The following WDR27 variants were observed in gnomAD, a reference collection of about 807,000 sequenced individuals.
WDR27 encodes the protein WD repeat-containing protein 27.
WDR27 carries 100 observed loss-of-function variants against 114.4 expected under a neutral mutation model. That is an observed-to-expected ratio of 0.87 (90% CI 0.74 to 1.03). WDR27 has a LOEUF of 1.03. Ranked by LOEUF, WDR27 falls within the 50% of genes least tolerant of loss-of-function variation. The probability of loss-of-function intolerance (pLI) is 0.00; values close to 1 mark genes in which losing one functional copy is unlikely to be tolerated. For missense variants in WDR27, 1,129 were observed against 1,092.9 expected (o/e 1.03, Z -0.47); for synonymous variants, 449 against 423.1 (o/e 1.06, Z -0.75).
chr6:169,670,811 A>G, intron 3 of WDR27, 118 bp from the exon 4 acceptor site: 2 of 1,335,874 alleles, frequency 1.5e-6, no homozygotes, highest in Non-Finnish European at 2.1e-6. Context: ...AATGACAATG[A>G]GCTTTGATGT....
intron 17 of WDR27, among the ~76,000 whole-genome samples, chr6:169,643,068 G>A (rs1819633955): frequency 6.6e-6 from 1 of 152,164 alleles, no homozygotes; most frequent in Non-Finnish European, 1.5e-5. Context: ...TTGGATTACG[G>A]ATGCTCAACC....
intron 14 of WDR27, among the ~76,000 whole-genome samples, chr6:169,649,847 A>T (rs1239874166): frequency 2.4e-5 from 3 of 123,546 alleles, no homozygotes; most frequent in African/African-American, 9.6e-5. Context: ...CTCTCCATCC[A>T]TCCCCCCCAT....
In WDR27 at chr6:169,629,735, T is replaced by C. The variant is rs369284101; in HGVS notation, c.2223+3212A>G. On this transcript the variant is annotated intron_variant, in intron 21 of 25. Transcript: ENST00000448612. ...TGAGGTGAGGAGTTTGAGACCAGCC[T>C]GGCCAACATGGTGAAATCCCCTCTC... is the stretch of plus-strand genomic sequence containing the variant. Among the ~76,000 whole-genome samples, 20 of 152,126 alleles carry C rather than the reference T, an allele frequency of 1.3e-4. No homozygotes were observed. In the South Asian group the frequency reaches 2.5e-3, roughly 19 times the overall value.
chr6:169,643,685 G>A lies in WDR27; in HGVS notation c.1747+12C>T. The A allele has an allele frequency of 1.9e-6, 3 of 1,610,946 alleles. No homozygotes were observed. Among genetic ancestry groups the A allele is most frequent in the African/African-American group, 2.7e-5 (2 of 74,970 alleles). ...TTAAGTTCATACTGACTGAAATTAA[G>A]ACATGTTTTACCTGAAAACACAGCA... On this transcript the variant is annotated intron_variant, in intron 17 of 25. Transcript: ENST00000448612.
At chr6:169,637,217 G>A (rs932226415) in intron 18 of WDR27, among the ~76,000 whole-genome samples, 17 of 151,988 alleles carry the variant, frequency 1.1e-4, no homozygotes, top group Admixed American at 9.8e-4. Context: ...ATGATCTCCC[G>A]TAAGTTCATC....
the WDR27 span, among the ~76,000 whole-genome samples, chr6:169,441,332 G>A: frequency 2.0e-5 from 3 of 152,092 alleles, no homozygotes; most frequent in Non-Finnish European, 4.4e-5. Context: ...CAGTTGATCA[G>A]TAACATTTTC....
intron 21 of WDR27, among the ~76,000 whole-genome samples, chr6:169,631,271 C>A (rs75179151): frequency 6.6e-6 from 1 of 152,056 alleles, no homozygotes; most frequent in Non-Finnish European, 1.5e-5. Flanking sequence ...CTGGTTTATA[C>A]GCAGGAAGAG....
intron 21 of WDR27, among the ~76,000 whole-genome samples, chr6:169,614,522 T>C (rs1433253919): frequency 2.0e-5 from 3 of 151,980 alleles, no homozygotes; most frequent in East Asian, 3.9e-4. Context: ...ATCCCGTCTC[T>C]ATAAAAATAC....
chr6:169,625,758 G>A (rs549189148), intron 21 of WDR27, among the ~76,000 whole-genome samples: 8 of 152,324 alleles, frequency 5.3e-5, no homozygotes, highest in South Asian at 2.1e-4. Context: ...CCCCTACTCC[G>A]TCTGGGGCTC....
Position 169,659,382 on chromosome 6 carries a change from A to C in WDR27, c.1197+69T>G, listed in dbSNP as rs1825290667. The C allele has an allele frequency of 6.3e-7, 1 of 1,592,580 alleles. No homozygotes were observed. Among genetic ancestry groups the C allele is most frequent in the Admixed American group, 1.7e-5 (1 of 57,230 alleles). The stretch of plus-strand genomic sequence containing the variant: ...CGTTTACTCAGCCAGTCGTTACAGG[A>C]TCACTCTGAAGAAAGAAGAAATCAG... On this transcript the variant is annotated intron_variant, in intron 11 of 25. Coordinates refer to ENST00000448612, the MANE Select transcript of WDR27 (RefSeq NM_182552.5). The surrounding 1 kb of genome is among the most constrained non-coding windows in gnomAD (Gnocchi z 4.3).
At chr6:169,437,889 C>G in the WDR27 span, among the ~76,000 whole-genome samples, 1 of 151,806 alleles carries the variant, frequency 6.6e-6, no homozygotes, top group Non-Finnish European at 1.5e-5. Context: ...GTATTCTTGG[C>G]TCTTCTTTTT....
At chr6:169,632,347 C>A (rs1395664929) in intron 21 of WDR27, among the ~76,000 whole-genome samples, 2 of 152,102 alleles carry the variant, frequency 1.3e-5, no homozygotes, top group East Asian at 1.9e-4. Flanking sequence ...ACTTGGAAAA[C>A]CTTTCCAGGC....
At chr6:169,494,371 A>G (rs1790143313) in intron 25 of WDR27, among the ~76,000 whole-genome samples, 1 of 152,110 alleles carries the variant, frequency 6.6e-6, no homozygotes, top group African/African-American at 2.4e-5. Flanking sequence ...TTAAAGTGAA[A>G]CATCAGTTCT....
intron 17 of WDR27, among the ~76,000 whole-genome samples, chr6:169,641,324 C>G (rs867340403): frequency 6.7e-6 from 1 of 148,884 alleles, no homozygotes; most frequent in Non-Finnish European, 1.5e-5. Context: ...GCCGGGCCCT[C>G]GGGAGCCAAT....
chr6:169,536,321 T>A (rs1448207879), intron 25 of WDR27, among the ~76,000 whole-genome samples: 2 of 152,224 alleles, frequency 1.3e-5, no homozygotes, highest in African/African-American at 4.8e-5. Context: ...GTTCAGTCCA[T>A]GTGCATCACC....
intron 25 of WDR27, among the ~76,000 whole-genome samples, chr6:169,555,729 ATAAC>A (rs1415133019): frequency 2.0e-5 from 3 of 152,200 alleles, no homozygotes; most frequent in Admixed American, 1.3e-4. Context: ...AGGCAACTAT[ATAAC>A]TAATAACAAC....
chr6:169,507,732 T>C (rs1411778847), intron 25 of WDR27, among the ~76,000 whole-genome samples: 1 of 152,192 alleles, frequency 6.6e-6, no homozygotes, highest in Non-Finnish European at 1.5e-5. Context: ...TTGAAAACAC[T>C]AAAGAATATT....
chr6:169,621,355 CAT>C (rs1297681741), intron 21 of WDR27, among the ~76,000 whole-genome samples: 1 of 149,072 alleles, frequency 6.7e-6, no homozygotes, highest in Non-Finnish European at 1.5e-5. Context: ...TGCATGTAGA[CAT>C]ACGCACACAT....
chr6:169,699,501 G>A (rs774518490), intron 1 of WDR27, among the ~76,000 whole-genome samples: 5 of 152,180 alleles, frequency 3.3e-5, no homozygotes, highest in Non-Finnish European at 7.3e-5. Flanking sequence ...GTGCTCGTGA[G>A]GACACGATGA....
Sources: gnomAD v4.1 joint callset for allele counts (sites outside exome capture counted in the v4.1 genomes callset) on GRCh38, gnomAD v4.1.1 for gene constraint, Gnocchi (gnomAD v3.1) non-coding constraint, MANE v1.5 for transcripts, NCBI Gene and HGNC (gene_info 2026-07-23, HGNC 2026-07-21) for gene names.